SNW1: variants seen among roughly 807,000 people sequenced by gnomAD.
SNW1 encodes SNW domain containing 1.
In SNW1, 9 loss-of-function variants were observed where a neutral mutation model predicts 75.6. That is an observed-to-expected ratio of 0.12 (90% confidence interval 0.07 to 0.21). SNW1 has a LOEUF of 0.21. Ranked by LOEUF, SNW1 falls within the 10% of genes least tolerant of loss-of-function variation. The pLI is 1.00. For synonymous variants in SNW1, 200 were observed against 219.1 expected (o/e 0.91, Z 0.77); for missense variants, 409 against 670.9 (o/e 0.61, Z 4.31).
intron 1 of SNW1, among the ~76,000 whole-genome samples, chr14:77,757,548 A>C (rs2080851136): frequency 6.6e-6 from 1 of 152,120 alleles, no homozygotes; most frequent in Non-Finnish European, 1.5e-5. Context: ...TGTATGTTTG[A>C]TTATTTCAGG....
At chr14:77,742,241 G>A (rs982511031) in intron 3 of SNW1, among the ~76,000 whole-genome samples, 1 of 151,888 alleles carries the variant, frequency 6.6e-6, no homozygotes, top group East Asian at 1.9e-4. Context: ...TCACCATGTT[G>A]GCCAGGCTGG....
intron 9 of SNW1, among the ~76,000 whole-genome samples, chr14:77,731,859 C>T (rs1467571694): frequency 2.6e-5 from 4 of 152,168 alleles, no homozygotes; most frequent in African/African-American, 9.7e-5. Flanking sequence ...CTGCCTCAGC[C>T]TCCCAAGTAG....
intron 3 of SNW1, among the ~76,000 whole-genome samples, chr14:77,748,522 G>C (rs995974497): frequency 6.6e-6 from 1 of 151,972 alleles, no homozygotes; most frequent in Non-Finnish European, 1.5e-5. Flanking sequence ...GGAGAAAAGC[G>C]GGCAGGACTA....
At chr14:77,759,929 C>CCAA (rs1566839055) in intron 1 of SNW1, among the ~76,000 whole-genome samples, 1 of 151,596 alleles carries the variant, frequency 6.6e-6, no homozygotes, top group African/African-American at 2.4e-5. Flanking sequence ...ACCAACCTGG[C>CCAA]CAACACAGCG....
At chr14:77,721,082 C>A (rs1266099485) in intron 11 of SNW1, 10 of 443,156 alleles carry the variant, frequency 2.3e-5, no homozygotes, top group Non-Finnish European at 4.1e-5. Flanking sequence ...ACATGGAATT[C>A]TTTAATATAA....
intron 3 of SNW1, among the ~76,000 whole-genome samples, chr14:77,747,286 G>A (rs997630264): frequency 1.2e-4 from 19 of 152,184 alleles, no homozygotes; most frequent in African/African-American, 2.4e-4. Context: ...CCTCCCAGCC[G>A]CCTGCCTTGG....
intron 12 of SNW1, chr14:77,720,464 TG>T: frequency 1.4e-6 from 1 of 700,710 alleles, no homozygotes; most frequent in Non-Finnish European, 2.6e-6. Context: ...AACAAAAGGT[TG>T]ACATACCACA....
intron 1 of SNW1, among the ~76,000 whole-genome samples, chr14:77,757,578 A>C (rs193266014): frequency 2.6e-4 from 39 of 152,294 alleles, no homozygotes; most frequent in African/African-American, 6.0e-4. Context: ...TGACTCCTCC[A>C]GTTTGGGTTA....
intron 3 of SNW1, among the ~76,000 whole-genome samples, chr14:77,745,176 A>C (rs1020518167): frequency 7.2e-5 from 11 of 152,184 alleles, no homozygotes; most frequent in African/African-American, 2.7e-4. Flanking sequence ...TGCTATGATA[A>C]ACATTGAGAG....
chr14:77,736,923 T>C lies in SNW1; in HGVS notation c.638+48A>G, dbSNP rs1297596475. ...TTTCACTCAGCATATTGTTTTGAGA[T>C]TCATCCATGTTATTGTGTGTATTAG... On this transcript the variant is annotated intron_variant, in intron 6 of 13. Transcript: ENST00000261531. The C allele has an allele frequency of 2.3e-6, 3 of 1,310,464 alleles. No individual in the cohort carries two copies. In the African/African-American group the frequency reaches 4.4e-5, roughly 19 times the overall value. 81.2% of individuals were successfully genotyped at this position (1,310,464 alleles called of 1,614,324 possible).
intron 8 of SNW1, among the ~76,000 whole-genome samples, chr14:77,733,767 A>C (rs1373916190): frequency 1.4e-5 from 2 of 142,928 alleles, no homozygotes; most frequent in Non-Finnish European, 3.0e-5. Context: ...AAAAAAAAAA[A>C]ACCAAAGAAA....
At position 77,718,020 on chromosome 14, in the gene SNW1, G is replaced by A; in HGVS notation, c.*68C>T. On this transcript the variant is annotated 3_prime_UTR_variant, in exon 14 of 14. Coordinates refer to ENST00000261531, the MANE Select transcript of SNW1 (RefSeq NM_012245.3). The stretch of plus-strand genomic sequence containing the variant: ...TTTTTATCCTGACCATTTACAAAGT[G>A]TTCCCCCATATGACTTGCATCATTA... 2.9e-6 allele frequency: 4 copies of A among 1,399,626 alleles called. No homozygotes were observed. The highest frequency in any genetic ancestry group is 3.9e-6 in the Non-Finnish European group (4 of 1,036,400). 86.7% of individuals were successfully genotyped at this position (1,399,626 alleles called of 1,614,324 possible). A position where few individuals can be genotyped will look rare whatever the true frequency, so the allele number is the denominator to read the frequency against.
chr14:77,736,056 G>GTCATCA, intron 6 of SNW1, 50 bp from the exon 7 acceptor site: 1 of 1,351,612 alleles, frequency 7.4e-7, no homozygotes, highest in Non-Finnish European at 1.0e-6. Context: ...CTCCCTTTTA[G>GTCATCA]TCATCATATC....
In SNW1 at chr14:77,725,350, A is replaced by G. The variant is rs578197930; in HGVS notation, c.1034-2073T>C. ...CAGCTTGACGCAATCCCATTTGTCT[A>G]TATTTGCTTTTGCTGTCTGTGCTTT... is the stretch of plus-strand genomic sequence containing the variant. On this transcript the variant is annotated intron_variant, in intron 10 of 13. Coordinates refer to ENST00000261531, the MANE Select transcript of SNW1 (RefSeq NM_012245.3). Among the ~76,000 whole-genome samples the G allele has an allele frequency of 3.9e-5, 6 of 152,252 alleles. 1 individual carries two copies. In the South Asian group the frequency reaches 1.2e-3, roughly 32 times the overall value.
intron 1 of SNW1, among the ~76,000 whole-genome samples, chr14:77,758,963 A>G (rs2080863927): frequency 6.6e-6 from 1 of 152,256 alleles, no homozygotes; most frequent in Non-Finnish European, 1.5e-5. Flanking sequence ...GACTGCCCTT[A>G]CTTCAGATGC....
chr14:77,748,478 G>A (rs1371002982), intron 3 of SNW1, among the ~76,000 whole-genome samples: 1 of 151,964 alleles, frequency 6.6e-6, no homozygotes, highest in Non-Finnish European at 1.5e-5. Context: ...ATATATCACT[G>A]TAGTAACAGC....
At chr14:77,747,640 G>C (rs1412927858) in intron 3 of SNW1, among the ~76,000 whole-genome samples, 2 of 151,070 alleles carry the variant, frequency 1.3e-5, no homozygotes, top group African/African-American at 2.4e-5. Flanking sequence ...CCTCCGCCCG[G>C]CAGCCGTCCC....
chr14:77,728,776 A>C (rs999557621), intron 10 of SNW1, among the ~76,000 whole-genome samples: 6 of 152,140 alleles, frequency 3.9e-5, no homozygotes, highest in African/African-American at 1.2e-4. Context: ...TCTGTAAAAC[A>C]GTCACAATAA....
At chr14:77,747,756 G>A (rs1462588930) in intron 3 of SNW1, among the ~76,000 whole-genome samples, 3 of 150,400 alleles carry the variant, frequency 2.0e-5, no homozygotes, top group Admixed American at 1.3e-4. Context: ...GGAGGTGGGG[G>A]CCAGCCCCTG....
Sources: gnomAD v4.1 joint callset for allele counts (sites outside exome capture counted in the v4.1 genomes callset) on GRCh38, gnomAD v4.1.1 for gene constraint, MANE v1.5 for transcripts, NCBI Gene and HGNC (gene_info 2026-07-23, HGNC 2026-07-21) for gene names.